RAB11B: variants seen among roughly 807,000 people sequenced by gnomAD.
RAB11B encodes ras-related protein Rab-11B.
A neutral mutation model predicts 23.7 loss-of-function variants in RAB11B; 7 were observed. The observed-to-expected ratio is 0.29, with a 90% CI of 0.17 to 0.55. The LOEUF is 0.55. Among genes scored for constraint, RAB11B ranks in the 20% least tolerant of loss-of-function variants. RAB11B has a pLI of 0.93. For synonymous variants in RAB11B, 138 were observed against 132.0 expected (o/e 1.05, Z -0.31); for missense variants, 189 against 320.0 (o/e 0.59, Z 3.12).
At chr19:8,391,425 C>A (rs1346268880) in intron 1 of RAB11B, among the ~76,000 whole-genome samples, 2 of 152,230 alleles carry the variant, frequency 1.3e-5, no homozygotes, top group Non-Finnish European at 2.9e-5. Flanking sequence ...GGAGGGTCTT[C>A]CCCGCCCGAG....
intron 1 of RAB11B, among the ~76,000 whole-genome samples, chr19:8,399,097 C>T (rs1481903140): frequency 2.0e-5 from 3 of 152,002 alleles, no homozygotes; most frequent in South Asian, 2.1e-4. Flanking sequence ...GGGCTACAGG[C>T]GCCCGCTACC....
chr19:8,391,981 G>A (rs1326693445), intron 1 of RAB11B, among the ~76,000 whole-genome samples: 2 of 152,010 alleles, frequency 1.3e-5, no homozygotes, highest in Admixed American at 1.3e-4. Context: ...CAGGTGCCCG[G>A]CCCAAGGTCT....
At chr19:8,401,967 C>A in intron 2 of RAB11B, 119 bp from the exon 3 acceptor site, 1 of 996,462 alleles carries the variant, frequency 1.0e-6, no homozygotes, top group Non-Finnish European at 1.4e-6. Flanking sequence ...GCCACAATGA[C>A]TGCCCCTTGG....
chr19:8,401,495 T>A (rs1411952202), intron 2 of RAB11B, among the ~76,000 whole-genome samples: 2 of 150,734 alleles, frequency 1.3e-5, no homozygotes, highest in Non-Finnish European at 2.9e-5. Flanking sequence ...CAAGCAATTC[T>A]CCTGCCTTAG....
At chr19:8,394,838 G>A (rs1971384197) in intron 1 of RAB11B, among the ~76,000 whole-genome samples, 1 of 152,236 alleles carries the variant, frequency 6.6e-6, no homozygotes, top group Non-Finnish European at 1.5e-5. Flanking sequence ...GCTGAGGCAG[G>A]AGGATCTCTT....
chr19:8,393,420 G>A (rs577301868), intron 1 of RAB11B, among the ~76,000 whole-genome samples: 8 of 152,196 alleles, frequency 5.3e-5, no homozygotes, highest in Admixed American at 1.3e-4. Context: ...TGTCCTCTGG[G>A]TCTTGTCCAC....
rs371272699 is a variant in RAB11B at position 8,403,462 on chromosome 19, C to G, written c.561C>G (p.His187Gln). ...SQKQIADRAA[H>Q]DESPGNNVVD... The stretch of plus-strand genomic sequence containing the variant: ...AACAGATCGCAGACCGCGCTGCCCA[C>G]GACGAGTCCCCGGGGAACAACGTGG... Residue 187 changes from histidine to glutamine, a missense_variant, in exon 5 of 5, where the codon CAC (histidine) becomes CAG (glutamine). Physicochemically the swap from His to Gln is conservative, Grantham distance 24. This residue lies in a region of RAB11B where 122 missense variants were observed against 170.8 expected (regional missense o/e 0.71). Coordinates refer to ENST00000328024, the MANE Select transcript of RAB11B (RefSeq NM_004218.4). 5.6e-6 allele frequency: 9 copies of G among 1,613,774 alleles called. No homozygotes were observed. The highest frequency in any genetic ancestry group is 7.6e-6 in the Non-Finnish European group (9 of 1,179,802).
intron 2 of RAB11B, chr19:8,400,321 C>T (rs1463553407): frequency 5.8e-6 from 3 of 521,510 alleles, no homozygotes; most frequent in Non-Finnish European, 1.0e-5. Context: ...TGCCGCTGCC[C>T]CTGCCCAGCC....
intron 4 of RAB11B, 84 bp from the exon 5 acceptor site, chr19:8,403,328 CT>C (rs1971452778): frequency 1.3e-6 from 2 of 1,525,732 alleles, no homozygotes; most frequent in Non-Finnish European, 1.8e-6. Flanking sequence ...TGGAGAGGGC[CT>C]CTGGAGTCCT....
chr19:8,391,954 T>G (rs1028860988), intron 1 of RAB11B, among the ~76,000 whole-genome samples: 3 of 151,856 alleles, frequency 2.0e-5, no homozygotes, highest in Non-Finnish European at 4.4e-5. Flanking sequence ...CACTGGTGGG[T>G]GAGGCTCTGT....
intron 1 of RAB11B, among the ~76,000 whole-genome samples, chr19:8,395,111 C>G (rs917524728): frequency 5.3e-5 from 8 of 152,128 alleles, no homozygotes; most frequent in African/African-American, 1.9e-4. Context: ...GCTCCCGTAG[C>G]TGCCGTGGAA....
At chr19:8,403,391 TC>T in intron 4 of RAB11B, 21 bp from the exon 5 acceptor site, 1 of 1,594,520 alleles carries the variant, frequency 6.3e-7, no homozygotes, top group Non-Finnish European at 8.6e-7. Context: ...TCACCCCACG[TC>T]CCCCTGTACC....
chr19:8,390,460 C>T lies in RAB11B; in HGVS notation c.40+4C>T. ...GAGTACGACTACCTATTCAAAGGTGCGGCCGGTGGGGCACAGACGGGCGAA... is the reference window on the plus strand; with the variant it reads ...GAGTACGACTACCTATTCAAAGGTGTGGCCGGTGGGGCACAGACGGGCGAA... On this transcript the variant is annotated splice_donor_region_variant and intron_variant, in intron 1 of 4. Transcript: ENST00000328024. The T allele has an allele frequency of 2.0e-6, 3 of 1,505,814 alleles. No individual in the cohort carries two copies. The highest frequency in any genetic ancestry group is 1.8e-6 in the Non-Finnish European group (2 of 1,130,398). The allele number at this position is 1,505,814 out of a possible 1,614,324, so 93.3% of individuals were successfully genotyped here. A position where few individuals can be genotyped will look rare whatever the true frequency, so the allele number is the denominator to read the frequency against.
chr19:8,404,107 G>C lies in RAB11B; in HGVS notation c.*549G>C, dbSNP rs1332321979. On this transcript the variant is annotated 3_prime_UTR_variant, in exon 5 of 5. Transcript: ENST00000328024. ...TGTTGATTGATGCAGGGAGAAGCCC[G>C]TCCCCCCCTCTCCCCTCTCCCCTCC... 6.6e-6 allele frequency: 1 copy of C among 151,876 alleles called. No individual in the cohort carries two copies. Among genetic ancestry groups the C allele is most frequent in the Non-Finnish European group, 1.5e-5 (1 of 68,468 alleles). 9.4% of individuals were successfully genotyped at this position (151,876 alleles called of 1,614,324 possible).
intron 1 of RAB11B, among the ~76,000 whole-genome samples, chr19:8,398,389 C>G (rs1474594901): frequency 6.6e-6 from 1 of 152,196 alleles, no homozygotes; most frequent in Non-Finnish European, 1.5e-5. Context: ...CTGTGCACCC[C>G]CCTCCTGGGA....
chr19:8,401,270 T>C lies in RAB11B; in HGVS notation c.237-816T>C, dbSNP rs564579584. Among the ~76,000 whole-genome samples the C allele has an allele frequency of 1.0e-4, 15 of 150,314 alleles. No individual in the cohort carries two copies. The South Asian group carries it at 2.7e-3, about 28-fold the overall frequency. Reference sequence around the variant, plus strand: ...TAATTTTTTGTATTTTTAGTAGAGATGGGGTTTCACCGCATTAGCCAGGAT... The same window carrying C: ...TAATTTTTTGTATTTTTAGTAGAGACGGGGTTTCACCGCATTAGCCAGGAT... On this transcript the variant is annotated intron_variant, in intron 2 of 4. Coordinates refer to ENST00000328024, the MANE Select transcript of RAB11B (RefSeq NM_004218.4).
chr19:8,398,754 G>C (rs1036263341), intron 1 of RAB11B, among the ~76,000 whole-genome samples: 4 of 152,106 alleles, frequency 2.6e-5, no homozygotes, highest in Non-Finnish European at 5.9e-5. Flanking sequence ...AACCGTGACA[G>C]CTGCCTACTC....
intron 1 of RAB11B, among the ~76,000 whole-genome samples, chr19:8,392,218 T>C (rs1307116614): frequency 6.6e-6 from 1 of 152,122 alleles, no homozygotes; most frequent in African/African-American, 2.4e-5. Context: ...GTTTCTGTGG[T>C]TATCCCCTGC....
At chr19:8,394,337 G>A (rs967528413) in intron 1 of RAB11B, among the ~76,000 whole-genome samples, 8 of 152,130 alleles carry the variant, frequency 5.3e-5, no homozygotes, top group Non-Finnish European at 1.2e-4. Flanking sequence ...TGTATTTTTA[G>A]TAGAGACGGG....
Sources: allele counts gnomAD v4.1 joint callset (sites outside exome capture counted in the v4.1 genomes callset), GRCh38; gene constraint gnomAD v4.1.1; regional missense constraint gnomAD v4.1.1; transcripts MANE v1.5; gene names NCBI Gene and HGNC (gene_info 2026-07-23, HGNC 2026-07-21).